PTPN13: variants seen among roughly 807,000 people sequenced by gnomAD.
PTPN13 encodes the protein tyrosine-protein phosphatase non-receptor type 13.
Under a neutral mutation model 284.0 loss-of-function variants are expected in PTPN13, and 191 were observed. The ratio of observed to expected loss-of-function variants is 0.67; its 90% CI spans 0.60 to 0.76. The LOEUF is 0.76. Among genes scored for constraint, PTPN13 ranks in the 30% least tolerant of loss-of-function variants. The pLI, the probability that PTPN13 is intolerant of heterozygous loss-of-function variation, is 0.00. For missense variants in PTPN13, 2,797 were observed against 2,939.9 expected (o/e 0.95, Z 1.12); for synonymous variants, 986 against 1,022.3 (o/e 0.96, Z 0.68).
intron 6 of PTPN13, among the ~76,000 whole-genome samples, chr4:86,694,300 G>A (rs956004379): frequency 6.6e-6 from 1 of 151,548 alleles, no homozygotes; most frequent in Non-Finnish European, 1.5e-5. Context: ...GAAATTTCAG[G>A]CCAGGCGTGG....
chr4:86,778,265 G>C (rs1304739530), intron 35 of PTPN13, among the ~76,000 whole-genome samples: 1 of 152,184 alleles, frequency 6.6e-6, no homozygotes, highest in Non-Finnish European at 1.5e-5. Flanking sequence ...AAAGGGTTTA[G>C]GATTTTACTG....
chr4:86,683,856 A>C (rs1427625356), intron 3 of PTPN13, among the ~76,000 whole-genome samples: 2 of 152,216 alleles, frequency 1.3e-5, no homozygotes, highest in African/African-American at 4.8e-5. Context: ...AATTAATATA[A>C]TTGAGCATGC....
In PTPN13 at chr4:86,765,567, G is replaced by C. The variant is rs1011808947; in HGVS notation, c.4243+79G>C. ...ATAAGAAATTATAAAGTTGATAACT[G>C]ACCTTCAAATTCATGATATGAAATA... is the stretch of plus-strand genomic sequence containing the variant. On this transcript the variant is annotated intron_variant, in intron 26 of 47. Coordinates refer to ENST00000411767, the MANE Select transcript of PTPN13 (RefSeq NM_080683.3). 2.3e-5 allele frequency: 23 copies of C among 981,074 alleles called. No individual in the cohort carries two copies. In the Admixed American group the frequency reaches 3.4e-4, roughly 14 times the overall value. The allele number at this position is 981,074 out of a possible 1,614,324, so 60.8% of individuals were successfully genotyped here.
chr4:86,775,542 A>G lies in PTPN13; in HGVS notation c.5781A>G (p.Leu1927=). ...SVAAIEGNLQ[L]LDVIHYVNGV... ...CAGCCATTGAGGGTAATCTCCAGCT[A>G]TTAGATGTCATCCATTATGTGAACG... The change falls in exon 35 of 48, where the codon CTA becomes CTG. Residue 1927 remains leucine, a synonymous_variant. Transcript: ENST00000411767. 1 of 1,613,518 alleles carries G rather than the reference A, an allele frequency of 6.2e-7. No homozygotes were observed.
At chr4:86,796,806 GA>G (rs1554347629) in intron 40 of PTPN13, 67 bp from the exon 41 acceptor site, 6 of 1,008,576 alleles carry the variant, frequency 5.9e-6, no homozygotes, top group Non-Finnish European at 7.4e-6. Context: ...TAACTAACAG[GA>G]AAAAAATAGT....
chr4:86,700,675 A>G (rs1246961397), intron 6 of PTPN13, among the ~76,000 whole-genome samples: 1 of 152,172 alleles, frequency 6.6e-6, no homozygotes, highest in Non-Finnish European at 1.5e-5. Context: ...TTCAAACACA[A>G]AGTTTTCTGA....
At chr4:86,748,866 A>G (rs1440423384) in intron 17 of PTPN13, among the ~76,000 whole-genome samples, 3 of 152,154 alleles carry the variant, frequency 2.0e-5, no homozygotes, top group African/African-American at 7.2e-5. Flanking sequence ...CGTGTTAGCC[A>G]GGATGATCTC....
At chr4:86,631,739 G>A (rs1722491522) in intron 1 of PTPN13, among the ~76,000 whole-genome samples, 1 of 152,012 alleles carries the variant, frequency 6.6e-6, no homozygotes, top group Non-Finnish European at 1.5e-5. Context: ...AAGCAACAGA[G>A]GTATAATTAG....
At chr4:86,748,942 A>T (rs570098253) in intron 17 of PTPN13, among the ~76,000 whole-genome samples, 2 of 152,344 alleles carry the variant, frequency 1.3e-5, no homozygotes, top group East Asian at 3.9e-4. Context: ...GGCGTGAGCC[A>T]CTGCGCCCAG....
chr4:86,789,282 T>A (rs28572787), intron 40 of PTPN13, among the ~76,000 whole-genome samples: 15,152 of 152,254 alleles, frequency 0.1, 877 homozygotes, highest in Non-Finnish European at 0.11. Flanking sequence ...CTTCAAACAT[T>A]GTCTTCTTAT....
intron 42 of PTPN13, among the ~76,000 whole-genome samples, chr4:86,802,908 C>CA (rs1464075618): frequency 6.6e-6 from 1 of 151,772 alleles, no homozygotes; most frequent in African/African-American, 2.4e-5. Flanking sequence ...CCCATCTCTA[C>CA]AAAAAAATAC....
At chr4:86,613,261 C>G (rs1720132438) in intron 1 of PTPN13, among the ~76,000 whole-genome samples, 1 of 152,144 alleles carries the variant, frequency 6.6e-6, no homozygotes, top group Non-Finnish European at 1.5e-5. Context: ...TTCCAGATTC[C>G]CATAAGGAAA....
intron 2 of PTPN13, among the ~76,000 whole-genome samples, chr4:86,645,278 T>C (rs2148778537): frequency 6.6e-6 from 1 of 152,292 alleles, no homozygotes; most frequent in Middle Eastern, 3.4e-3. Flanking sequence ...CTACACATCA[T>C]ACTTACTGGT....
intron 47 of PTPN13, among the ~76,000 whole-genome samples, chr4:86,812,374 C>T (rs1181816459): frequency 7.3e-6 from 1 of 136,964 alleles, no homozygotes; most frequent in Non-Finnish European, 1.6e-5. Context: ...GTGAATAAAA[C>T]AAAGATCCTT....
chr4:86,622,475 T>A (rs963943363), intron 1 of PTPN13, among the ~76,000 whole-genome samples: 1 of 152,200 alleles, frequency 6.6e-6, no homozygotes. Flanking sequence ...CATTTGTTTC[T>A]AATGATGGGA....
chr4:86,722,315 A>G lies in PTPN13; in HGVS notation c.1489A>G (p.Arg497Gly), dbSNP rs1733761355. The G allele has an allele frequency of 1.9e-6, 3 of 1,613,796 alleles. No homozygotes were observed. The highest frequency in any genetic ancestry group is 2.5e-6 in the Non-Finnish European group (3 of 1,179,784). ...GCAGCTACAAGCCAAAATGGCCCTT[A>G]GACAGTCTCGGTTGAGCCTATATCC... ...LMQLQAKMAL[R>G]QSRLSLYPGD... Residue 497 changes from arginine (R) to glycine (G), a missense_variant, in exon 10 of 48, where the codon AGA becomes GGA. Physicochemically the swap from Arg to Gly is moderately radical, Grantham distance 125. Coordinates refer to ENST00000411767, the MANE Select transcript of PTPN13 (RefSeq NM_080683.3).
At chr4:86,641,258 GA>G (rs1333826899) in intron 2 of PTPN13, among the ~76,000 whole-genome samples, 1 of 152,070 alleles carries the variant, frequency 6.6e-6, no homozygotes, top group African/African-American at 2.4e-5. Context: ...GTGGCGGGGG[GA>G]AAATAGCAGG....
intron 2 of PTPN13, among the ~76,000 whole-genome samples, chr4:86,637,974 C>T (rs1476456466): frequency 6.6e-6 from 1 of 151,936 alleles, no homozygotes; most frequent in East Asian, 1.9e-4. Flanking sequence ...TAAGCAACTT[C>T]AGCAGTCTCA....
intron 10 of PTPN13, among the ~76,000 whole-genome samples, chr4:86,727,038 G>A (rs1734350781): frequency 2.0e-5 from 3 of 149,450 alleles, no homozygotes; most frequent in Admixed American, 2.0e-4. Context: ...GTTTAATTGT[G>A]TTAAAGGCCT....
Sources: allele counts gnomAD v4.1 joint callset (sites outside exome capture counted in the v4.1 genomes callset), GRCh38; gene constraint gnomAD v4.1.1; transcripts MANE v1.5; gene names NCBI Gene and HGNC (gene_info 2026-07-23, HGNC 2026-07-21).